MAGI2: variants seen among roughly 807,000 people sequenced by gnomAD.
The protein encoded by MAGI2 is membrane associated guanylate kinase, WW and PDZ domain containing 2, also known as membrane-associated guanylate kinase, WW and PDZ domain-containing protein 2.
Under a neutral mutation model 133.3 loss-of-function variants are expected in MAGI2, and 35 were observed. That is an observed-to-expected ratio of 0.26 (90% CI 0.20 to 0.35). MAGI2 has a LOEUF of 0.35. Among genes scored for constraint, MAGI2 ranks in the 10% least tolerant of loss-of-function variants. The pLI, the probability that MAGI2 is intolerant of heterozygous loss-of-function variation, is 1.00. For synonymous variants in MAGI2, 729 were observed against 710.6 expected (o/e 1.03, Z -0.41); for missense variants, 1,636 against 1,863.4 (o/e 0.88, Z 2.25).
At chr7:79,338,885 A>T (rs1037042059) in intron 1 of MAGI2, among the ~76,000 whole-genome samples, 2 of 152,104 alleles carry the variant, frequency 1.3e-5, no homozygotes, top group African/African-American at 2.4e-5. Flanking sequence ...TAATGCTTCC[A>T]TGATTCTTGA....
At chr7:78,076,496 A>G (rs1313167867) in intron 21 of MAGI2, among the ~76,000 whole-genome samples, 1 of 150,466 alleles carries the variant, frequency 6.6e-6, no homozygotes, top group African/African-American at 2.4e-5. Context: ...TATTTAAAAA[A>G]CTCTGGTTAA....
intron 2 of MAGI2, among the ~76,000 whole-genome samples, chr7:78,655,493 A>T (rs1301170763): frequency 2.0e-5 from 3 of 147,810 alleles, no homozygotes; most frequent in Non-Finnish European, 4.5e-5. Context: ...AAAAAAATGC[A>T]GGTAACCTGC....
chr7:78,650,655 A>T (rs1185011465), intron 2 of MAGI2, among the ~76,000 whole-genome samples: 3 of 102,912 alleles, frequency 2.9e-5, no homozygotes, highest in African/African-American at 7.1e-5. Flanking sequence ...ATGGGCAGTT[A>T]TAATGAAAAT....
chr7:78,682,598 A>G (rs1815809391), intron 2 of MAGI2, among the ~76,000 whole-genome samples: 1 of 152,136 alleles, frequency 6.6e-6, no homozygotes, highest in Non-Finnish European at 1.5e-5. Flanking sequence ...TATATGTGCC[A>G]CAGTTTCTTT....
chr7:79,186,189 AAAATATATATATATATATATATATAT>A (rs1827077260), intron 1 of MAGI2, among the ~76,000 whole-genome samples: 1 of 104,600 alleles, frequency 9.6e-6, no homozygotes, highest in Admixed American at 1.2e-4. Flanking sequence ...TTTGCCTGGG[AAAATATATATATATATATATATATAT>A]ATATATATAT....
chr7:79,100,708 T>A (rs180740533), intron 1 of MAGI2, among the ~76,000 whole-genome samples: 157 of 151,934 alleles, frequency 1.0e-3, no homozygotes, highest in African/African-American at 3.7e-3. Flanking sequence ...ATTAAATATA[T>A]AGCTATTTTT....
chr7:78,858,484 T>C (rs1487543041), intron 2 of MAGI2, among the ~76,000 whole-genome samples: 1 of 152,232 alleles, frequency 6.6e-6, no homozygotes, highest in Non-Finnish European at 1.5e-5. Flanking sequence ...AGAACATCTT[T>C]ATTTCTGCCT....
intron 2 of MAGI2, among the ~76,000 whole-genome samples, chr7:78,727,152 CAG>C (rs1398267727): frequency 1.3e-5 from 2 of 151,864 alleles, no homozygotes; most frequent in Non-Finnish European, 2.9e-5. Context: ...CCAGTAGAAA[CAG>C]AGGAGAAAAA....
At chr7:78,672,233 C>T (rs1027033946) in intron 2 of MAGI2, among the ~76,000 whole-genome samples, 8 of 152,056 alleles carry the variant, frequency 5.3e-5, no homozygotes, top group Admixed American at 6.6e-5. Context: ...AAGCAGTTTA[C>T]ATTAGAACTG....
intron 3 of MAGI2, among the ~76,000 whole-genome samples, chr7:78,577,104 T>C (rs1373860873): frequency 3.3e-5 from 5 of 152,240 alleles, no homozygotes; most frequent in Non-Finnish European, 7.3e-5. Context: ...ACATAATAGA[T>C]TCTAAAGAAA....
chr7:78,492,123 G>C (rs1466923134), intron 5 of MAGI2, among the ~76,000 whole-genome samples: 4 of 151,170 alleles, frequency 2.6e-5, no homozygotes, highest in Non-Finnish European at 5.9e-5. Context: ...AGCCACTGCA[G>C]AGAGTCAAAT....
At chr7:78,905,266 C>A (rs982783262) in intron 2 of MAGI2, among the ~76,000 whole-genome samples, 3 of 152,182 alleles carry the variant, frequency 2.0e-5, no homozygotes, top group Non-Finnish European at 4.4e-5. Context: ...AGTAATGACA[C>A]CGTGCCGTGC....
At chr7:79,050,997 T>G (rs1466261849) in intron 1 of MAGI2, among the ~76,000 whole-genome samples, 1 of 152,152 alleles carries the variant, frequency 6.6e-6, no homozygotes, top group Non-Finnish European at 1.5e-5. Flanking sequence ...ACATGCTACT[T>G]AATAATTTTT....
intron 10 of MAGI2, among the ~76,000 whole-genome samples, chr7:78,235,447 G>C (rs1053091115): frequency 6.6e-6 from 1 of 152,174 alleles, no homozygotes; most frequent in South Asian, 2.1e-4. Flanking sequence ...TCCACGTGTC[G>C]TGGGAGGAAC....
intron 1 of MAGI2, among the ~76,000 whole-genome samples, chr7:79,133,509 T>C (rs1252263086): frequency 6.6e-6 from 1 of 152,234 alleles, no homozygotes; most frequent in Non-Finnish European, 1.5e-5. Flanking sequence ...CATTGTCCCA[T>C]ATCCTTATTT....
intron 1 of MAGI2, among the ~76,000 whole-genome samples, chr7:79,449,997 G>C (rs1251150758): frequency 6.6e-6 from 1 of 150,608 alleles, no homozygotes; most frequent in African/African-American, 2.4e-5. Context: ...AGGCAAACAA[G>C]TAAATAAAAT....
At chr7:78,643,541 T>C (rs1448709625) in intron 2 of MAGI2, among the ~76,000 whole-genome samples, 2 of 152,128 alleles carry the variant, frequency 1.3e-5, no homozygotes, top group Non-Finnish European at 2.9e-5. Context: ...AAATAAAATC[T>C]ATTTCATCAT....
At chr7:78,740,837 C>G (rs1049572519) in intron 2 of MAGI2, among the ~76,000 whole-genome samples, 24 of 152,136 alleles carry the variant, frequency 1.6e-4, no homozygotes, top group African/African-American at 5.6e-4. Context: ...CTAATAGCAA[C>G]ATTTTCTCAA....
At chr7:78,545,464 A>C (rs1798756732) in intron 3 of MAGI2, among the ~76,000 whole-genome samples, 1 of 151,836 alleles carries the variant, frequency 6.6e-6, no homozygotes, top group African/African-American at 2.4e-5. Flanking sequence ...CACTCACCTC[A>C]GCCTCCCAAA....
Sources: gnomAD v4.1 joint callset for allele counts (sites outside exome capture counted in the v4.1 genomes callset) on GRCh38, gnomAD v4.1.1 for gene constraint, MANE v1.5 for transcripts, NCBI Gene and HGNC (gene_info 2026-07-23, HGNC 2026-07-21) for gene names.